RPS6KA2: variants seen among roughly 807,000 people sequenced by gnomAD.
RPS6KA2 encodes ribosomal protein S6 kinase alpha-2.
RPS6KA2 carries 42 observed loss-of-function variants against 91.8 expected under a neutral mutation model. That is an observed-to-expected ratio of 0.46 (90% CI 0.36 to 0.59). The LOEUF (loss-of-function observed/expected upper bound fraction) is 0.59. RPS6KA2 is among the 20% of genes least tolerant of loss of function. RPS6KA2 has a pLI of 0.00. For missense variants in RPS6KA2, 798 were observed against 978.5 expected (o/e 0.82, Z 2.46); for synonymous variants, 414 against 393.6 (o/e 1.05, Z -0.61).
intron 2 of RPS6KA2, among the ~76,000 whole-genome samples, chr6:166,693,932 G>A (rs1051057368): frequency 1.8e-4 from 27 of 152,306 alleles, no homozygotes; most frequent in African/African-American, 6.5e-4. Context: ...ACATCCCTCT[G>A]TCCCCTACCT....
chr6:166,642,770 A>C lies in RPS6KA2; in HGVS notation c.124-103986T>G, dbSNP rs79567569. On this transcript the variant is annotated intron_variant, in intron 2 of 21. Coordinates refer to the RPS6KA2 transcript ENST00000503859. ...AGCAGGATAAGTAAAAAAAATACCA[A>C]CTGTTGGGAAGGGCCACCGCCATGG... is the stretch of plus-strand genomic sequence containing the variant. 5.4e-3 allele frequency among the ~76,000 whole-genome samples: 826 copies of C among 152,258 alleles called. 10 individuals carry two copies. The highest frequency in any genetic ancestry group is 7.6e-3 in the Non-Finnish European group (519 of 68,002).
intron 1 of RPS6KA2, chr6:166,586,156 C>T (rs1453696438): frequency 3.2e-6 from 5 of 1,555,942 alleles, no homozygotes; most frequent in Non-Finnish European, 3.4e-6. Flanking sequence ...TGGTTGTAAC[C>T]ATAATGTCCA....
intron 1 of RPS6KA2, among the ~76,000 whole-genome samples, chr6:166,567,175 C>A (rs1008117795): frequency 1.2e-4 from 19 of 152,318 alleles, no homozygotes; most frequent in Middle Eastern, 3.4e-3. Flanking sequence ...ACAAAAGCAC[C>A]CTTTAATCGG....
At chr6:166,525,593 C>T (rs1782997768) in intron 3 of RPS6KA2, among the ~76,000 whole-genome samples, 1 of 152,234 alleles carries the variant, frequency 6.6e-6, no homozygotes, top group Non-Finnish European at 1.5e-5. Flanking sequence ...ACCCTCACTT[C>T]CAGGCACAGG....
At chr6:166,787,882 C>A (rs1258363955) in intron 2 of RPS6KA2, among the ~76,000 whole-genome samples, 1 of 148,340 alleles carries the variant, frequency 6.7e-6, no homozygotes, top group Non-Finnish European at 1.5e-5. Flanking sequence ...TCAGACTGAA[C>A]AGGCAACCTA....
Position 166,430,478 on chromosome 6 carries a change from G to A in RPS6KA2, c.1556C>T (p.Thr519Ile). The change falls in exon 16 of 21, where the codon ACC becomes ATC. Residue 519 changes from threonine to isoleucine, a missense_variant. Transcript: ENST00000265678. ...CCCCTGGGAATGGAGGTAGTCCATG[G>A]TCTTGGTGATGGTGCACAGGACGTC... is the stretch of plus-strand genomic sequence containing the variant. ...ASDVLCTITKTMDYLHSQGVV... is the reference protein window; with the variant it reads ...ASDVLCTITKIMDYLHSQGVV... 1 of 1,613,698 alleles carries A rather than the reference G, an allele frequency of 6.2e-7. No homozygotes were observed. The highest frequency in any genetic ancestry group is 8.5e-7 in the Non-Finnish European group (1 of 1,179,786).
chr6:166,529,246 A>G (rs1294876594), intron 3 of RPS6KA2, among the ~76,000 whole-genome samples: 1 of 152,264 alleles, frequency 6.6e-6, no homozygotes, highest in African/African-American at 2.4e-5. Context: ...CAGCCATAAA[A>G]AAGGATGAGT....
chr6:166,733,816 C>T lies in RPS6KA2; in HGVS notation c.123+124384G>A, dbSNP rs144480150. Among the ~76,000 whole-genome samples, 387 of 152,212 alleles carry T rather than the reference C, an allele frequency of 2.5e-3. 3 individuals are homozygous for T. Among genetic ancestry groups the T allele is most frequent in the African/African-American group, 9.0e-3 (373 of 41,532 alleles). On this transcript the variant is annotated intron_variant, in intron 2 of 21. Coordinates refer to the RPS6KA2 transcript ENST00000503859. The surrounding 1 kb of genome is among the most constrained non-coding windows in gnomAD (Gnocchi z 4.1). ...GAGAGAAGTAAAAGGAAGGTTTCTGCGTTTTTCTGTTTATAAAGCGGATAT... is the reference window on the plus strand; with the variant it reads ...GAGAGAAGTAAAAGGAAGGTTTCTGTGTTTTTCTGTTTATAAAGCGGATAT...
chr6:166,835,828 T>A (rs919198867), intron 2 of RPS6KA2, among the ~76,000 whole-genome samples: 16 of 152,242 alleles, frequency 1.1e-4, no homozygotes, highest in Non-Finnish European at 2.4e-4. Flanking sequence ...AAGCCTTCCA[T>A]CTTTCACATT....
At chr6:166,538,560 G>T in intron 2 of RPS6KA2, 108 bp downstream of exon 2, 1 of 652,998 alleles carries the variant, frequency 1.5e-6, no homozygotes, top group East Asian at 2.6e-5. Context: ...TCCCGTGATC[G>T]CAGCCCTGCA....
At chr6:166,647,445 G>A (rs1026517645) in intron 2 of RPS6KA2, among the ~76,000 whole-genome samples, 1 of 152,214 alleles carries the variant, frequency 6.6e-6, no homozygotes, top group Middle Eastern at 3.4e-3. Context: ...TGTCTGCACC[G>A]CTGTTCAGAT....
intron 8 of RPS6KA2, among the ~76,000 whole-genome samples, chr6:166,498,045 T>C (rs1781855587): frequency 6.6e-6 from 1 of 151,944 alleles, no homozygotes; most frequent in African/African-American, 2.4e-5. Context: ...GAAGACCCAG[T>C]CCAAACTGGG....
intron 8 of RPS6KA2, among the ~76,000 whole-genome samples, chr6:166,491,964 T>C (rs1781600645): frequency 6.6e-6 from 1 of 152,192 alleles, no homozygotes. Context: ...AAATGTATAG[T>C]GAGTGTATTT....
At chr6:166,578,392 A>G (rs1459112319) in intron 1 of RPS6KA2, among the ~76,000 whole-genome samples, 1 of 152,182 alleles carries the variant, frequency 6.6e-6, no homozygotes, top group Non-Finnish European at 1.5e-5. Context: ...CTGGAGGTGA[A>G]CAGGTGGGAT....
rs150779374 is a variant in RPS6KA2, at chr6:166,726,605, A to G, written c.123+131595T>C. On this transcript the variant is annotated intron_variant, in intron 2 of 21. Coordinates refer to the RPS6KA2 transcript ENST00000503859. The surrounding 1 kb of genome is among the most constrained non-coding windows in gnomAD (Gnocchi z 4.4). ...AGTGACTCACCAACTGATCCAAAATATATAACCGTGATCACCTTAAATCAC... is the reference window on the plus strand; with the variant it reads ...AGTGACTCACCAACTGATCCAAAATGTATAACCGTGATCACCTTAAATCAC... 1.2e-3 allele frequency among the ~76,000 whole-genome samples: 183 copies of G among 152,354 alleles called. No individual in the cohort carries two copies. The highest frequency in any genetic ancestry group is 2.8e-3 in the Admixed American group (43 of 15,314).
chr6:166,515,474 G>C (rs1200874023), intron 3 of RPS6KA2, among the ~76,000 whole-genome samples: 1 of 152,170 alleles, frequency 6.6e-6, no homozygotes, highest in Non-Finnish European at 1.5e-5. Context: ...AGTTCCTGAT[G>C]TAGATAAAAA....
intron 3 of RPS6KA2, among the ~76,000 whole-genome samples, chr6:166,522,940 T>G (rs1291096850): frequency 2.0e-5 from 3 of 152,232 alleles, no homozygotes; most frequent in Non-Finnish European, 4.4e-5. Context: ...CAAGTATTTT[T>G]TAAAAGACTG....
Position 166,493,641 on chromosome 6 carries a change from C to T in RPS6KA2, c.748-2900G>A, listed in dbSNP as rs1478474295. On this transcript the variant is annotated intron_variant, in intron 8 of 20. Coordinates refer to ENST00000265678, the MANE Select transcript of RPS6KA2 (RefSeq NM_021135.6). The surrounding 1 kb of genome is among the most constrained non-coding windows in gnomAD (Gnocchi z 4.7). ...CACAGAGGGGCTCAAGGAGATGTAGCCAAAGCTCCACCGGGTGCAGGCCCG... is the reference window on the plus strand; with the variant it reads ...CACAGAGGGGCTCAAGGAGATGTAGTCAAAGCTCCACCGGGTGCAGGCCCG... Among the ~76,000 whole-genome samples, 3 of 151,786 alleles carry T rather than the reference C, an allele frequency of 2.0e-5. No homozygotes were observed. Among genetic ancestry groups the T allele is most frequent in the African/African-American group, 7.3e-5 (3 of 41,266 alleles).
intron 1 of RPS6KA2, among the ~76,000 whole-genome samples, chr6:166,617,408 T>C (rs1786453279): frequency 6.6e-6 from 1 of 152,210 alleles, no homozygotes; most frequent in South Asian, 2.1e-4. Context: ...CCCAAAAATG[T>C]TATTGTAAGA....
Sources: allele counts gnomAD v4.1 joint callset (sites outside exome capture counted in the v4.1 genomes callset), GRCh38; gene constraint gnomAD v4.1.1; non-coding constraint Gnocchi (gnomAD v3.1); transcripts MANE v1.5; gene names NCBI Gene and HGNC (gene_info 2026-07-23, HGNC 2026-07-21).